Variants in TMEM135 observed in about 807,000 individuals in gnomAD.
The protein encoded by TMEM135 is peroxisomal membrane protein 52.
A neutral mutation model predicts 60.3 loss-of-function variants in TMEM135; 30 were observed. The ratio of observed to expected loss-of-function variants is 0.50; its 90% CI spans 0.37 to 0.68. The LOEUF is 0.68. TMEM135 is among the 30% of genes least tolerant of loss of function. The pLI is 0.00. For missense variants in TMEM135, 468 were observed against 548.8 expected (o/e 0.85, Z 1.47); for synonymous variants, 190 against 186.7 (o/e 1.02, Z -0.14).
rs1351729318 is a variant in TMEM135 at position 87,325,583 on chromosome 11, T to C, written c.*4250T>C. The C allele has an allele frequency of 2.2e-6, 1 of 453,998 alleles. No homozygotes were observed. Among genetic ancestry groups the C allele is most frequent in the South Asian group, 1.6e-5 (1 of 64,470 alleles). 28.1% of individuals were successfully genotyped at this position (453,998 alleles called of 1,614,324 possible). A position where few individuals can be genotyped will look rare whatever the true frequency, so the allele number is the denominator to read the frequency against. ...TCCATTCTCTGCTTGCTGGTGTTAC[T>C]TTATGTTAACTAGTCTCCTTGGACT... On this transcript the variant is annotated 3_prime_UTR_variant, in exon 15 of 15. Transcript: ENST00000305494.
At chr11:87,083,776 C>T (rs1857040870) in intron 3 of TMEM135, among the ~76,000 whole-genome samples, 1 of 152,038 alleles carries the variant, frequency 6.6e-6, no homozygotes, top group South Asian at 2.1e-4. Flanking sequence ...CTATTAATTC[C>T]TATGCCTCAA....
At chr11:87,301,446 G>A (rs1490931003) in intron 7 of TMEM135, among the ~76,000 whole-genome samples, 1 of 151,974 alleles carries the variant, frequency 6.6e-6, no homozygotes, top group African/African-American at 2.4e-5. Context: ...TTAAGGTGGG[G>A]TCTCACTTTG....
chr11:87,043,289 C>A (rs796434022), intron 1 of TMEM135, among the ~76,000 whole-genome samples: 22 of 151,934 alleles, frequency 1.4e-4, no homozygotes, highest in African/African-American at 5.3e-4. Flanking sequence ...CAGATTCTTA[C>A]ATATTTTGTG....
At chr11:87,210,044 A>G (rs1940325909) in intron 5 of TMEM135, among the ~76,000 whole-genome samples, 1 of 152,204 alleles carries the variant, frequency 6.6e-6, no homozygotes, top group Admixed American at 6.5e-5. Context: ...GAAAGTTTAC[A>G]GTGCTAAACA....
At chr11:87,285,282 G>A (rs7114982) in intron 6 of TMEM135, among the ~76,000 whole-genome samples, 55,712 of 152,056 alleles carry the variant, frequency 0.37, 10,875 homozygotes, top group Non-Finnish European at 0.43. Flanking sequence ...TTTAAAAACA[G>A]AATAAGAAAA....
chr11:87,215,155 A>C (rs1329844709), intron 5 of TMEM135, among the ~76,000 whole-genome samples: 1 of 152,196 alleles, frequency 6.6e-6, no homozygotes, highest in Non-Finnish European at 1.5e-5. Flanking sequence ...AACTATTACT[A>C]ATATGAAATA....
At chr11:87,167,820 T>G (rs1157915259) in intron 5 of TMEM135, among the ~76,000 whole-genome samples, 1 of 152,208 alleles carries the variant, frequency 6.6e-6, no homozygotes, top group Non-Finnish European at 1.5e-5. Flanking sequence ...GATGCTGGCC[T>G]CATACAATGA....
intron 6 of TMEM135, among the ~76,000 whole-genome samples, chr11:87,289,874 C>T (rs901942625): frequency 6.6e-6 from 1 of 152,140 alleles, no homozygotes; most frequent in Non-Finnish European, 1.5e-5. Context: ...TGAGTGAGAA[C>T]ATGCAGCGTT....
intron 3 of TMEM135, among the ~76,000 whole-genome samples, chr11:87,078,748 G>A (rs1856923806): frequency 6.6e-6 from 1 of 151,858 alleles, no homozygotes; most frequent in African/African-American, 2.4e-5. Context: ...CAAGTAGCTG[G>A]GACTGCAGGT....
In TMEM135 at chr11:87,323,479, G is replaced by C. The variant is rs1427278163; in HGVS notation, c.*2146G>C. ...ACCTCTAACTAATCAGGTATTGATT[G>C]ACAACTTTTTGGCATTATAAATAAA... On this transcript the variant is annotated 3_prime_UTR_variant, in exon 15 of 15. Coordinates refer to ENST00000305494, the MANE Select transcript of TMEM135 (RefSeq NM_022918.4). 4.4e-6 allele frequency: 2 copies of C among 453,966 alleles called. No homozygotes were observed. The highest frequency in any genetic ancestry group is 8.8e-6 in the Non-Finnish European group (2 of 226,728). The allele number at this position is 453,966 out of a possible 1,614,324, so 28.1% of individuals were successfully genotyped here.
At chr11:87,217,732 C>T (rs554510288) in intron 5 of TMEM135, among the ~76,000 whole-genome samples, 24 of 151,626 alleles carry the variant, frequency 1.6e-4, no homozygotes, top group Non-Finnish European at 3.5e-4. Context: ...TTGCGTGAGT[C>T]GAGATCGTGC....
chr11:87,155,774 T>C (rs1032049555), intron 4 of TMEM135, among the ~76,000 whole-genome samples: 2 of 152,154 alleles, frequency 1.3e-5, no homozygotes, highest in Admixed American at 1.3e-4. Flanking sequence ...TGGTTCCTCT[T>C]TGGGGATCTT....
At chr11:87,167,340 A>G (rs188273492) in intron 5 of TMEM135, among the ~76,000 whole-genome samples, 41 of 152,202 alleles carry the variant, frequency 2.7e-4, no homozygotes, top group East Asian at 1.2e-3. Context: ...TTCCAATACT[A>G]TGTTGAATAG....
chr11:87,325,886 T>C lies in TMEM135; in HGVS notation c.*4553T>C, dbSNP rs75501654. On this transcript the variant is annotated 3_prime_UTR_variant, in exon 15 of 15. Coordinates refer to ENST00000305494, the MANE Select transcript of TMEM135 (RefSeq NM_022918.4). ...TTCCTATTTTCTTTTACTTTCTCCATTTTTTTTCCATCTGTCCCTCCTACG... is the reference window on the plus strand; with the variant it reads ...TTCCTATTTTCTTTTACTTTCTCCACTTTTTTTCCATCTGTCCCTCCTACG... 2.2e-6 allele frequency: 1 copy of C among 453,818 alleles called. No homozygotes were observed. Among genetic ancestry groups the C allele is most frequent in the South Asian group, 1.6e-5 (1 of 64,462 alleles). The allele number at this position is 453,818 out of a possible 1,614,324, so 28.1% of individuals were successfully genotyped here.
chr11:87,144,689 G>A (rs181040851), intron 4 of TMEM135, among the ~76,000 whole-genome samples: 1 of 146,606 alleles, frequency 6.8e-6, no homozygotes, highest in Middle Eastern at 3.3e-3. Flanking sequence ...ATGTTTTACT[G>A]TATGTACTTT....
chr11:87,185,913 C>CTTTTTTTTTTTT (rs367985910), intron 5 of TMEM135, among the ~76,000 whole-genome samples: 15,547 of 134,950 alleles, frequency 0.12, 963 homozygotes, highest in African/African-American at 0.18. Flanking sequence ...AGTTATCCTT[C>CTTTTTTTTTTTT]TTTTTTTTTT....
intron 3 of TMEM135, among the ~76,000 whole-genome samples, chr11:87,089,560 G>GA (rs139034362): frequency 7.3e-5 from 11 of 150,522 alleles, no homozygotes; most frequent in East Asian, 1.9e-4. Flanking sequence ...AAAAGAAAAA[G>GA]AAAAAAAAAT....
chr11:87,293,397 A>AAAAT (rs369833284), intron 6 of TMEM135, among the ~76,000 whole-genome samples: 1 of 85,506 alleles, frequency 1.2e-5, no homozygotes, highest in African/African-American at 4.1e-5. Flanking sequence ...TCTTCTTAAA[A>AAAAT]AAACAACAAA....
At chr11:87,124,432 T>G (rs1937663619) in intron 4 of TMEM135, among the ~76,000 whole-genome samples, 1 of 152,126 alleles carries the variant, frequency 6.6e-6, no homozygotes, top group African/African-American at 2.4e-5. Context: ...GGTATAATCT[T>G]GTGCTGGATC....
Sources: gnomAD v4.1 joint callset for allele counts (sites outside exome capture counted in the v4.1 genomes callset) on GRCh38, gnomAD v4.1.1 for gene constraint, MANE v1.5 for transcripts, NCBI Gene and HGNC (gene_info 2026-07-23, HGNC 2026-07-21) for gene names.